Variants in SUMO2 observed in about 807,000 individuals in gnomAD.
SUMO2 encodes small ubiquitin like modifier 2, also known as small ubiquitin-related modifier 2.
Under a neutral mutation model 16.0 loss-of-function variants are expected in SUMO2, and 1 was observed. The ratio of observed to expected loss-of-function variants is 0.06; its 90% CI spans 0.02 to 0.30. The LOEUF (loss-of-function observed/expected upper bound fraction) is 0.30. SUMO2 is among the 10% of genes least tolerant of loss of function. The pLI is 1.00. For missense variants in SUMO2, 16 were observed against 117.5 expected, an observed-to-expected ratio of 0.14 and a Z score of 3.99; for synonymous variants, 36 against 40.6, an observed-to-expected ratio of 0.89 and a Z score of 0.43.
chr17:75,178,671 C>G (rs564544284), intron 2 of SUMO2, among the ~76,000 whole-genome samples: 16 of 152,240 alleles, frequency 1.1e-4, no homozygotes, highest in Admixed American at 5.9e-4. Context: ...CAAGCTCAAG[C>G]AATCCTCCCA....
intron 1 of SUMO2, 136 bp from the exon 2 acceptor site, chr17:75,181,324 TC>T: frequency 2.3e-6 from 2 of 870,038 alleles, no homozygotes; most frequent in Non-Finnish European, 3.5e-6. Context: ...ACTGCTGTTT[TC>T]AGCTGCTGAA....
At chr17:75,180,391 T>TGAAA (rs2074817418) in intron 2 of SUMO2, among the ~76,000 whole-genome samples, 1 of 23,008 alleles carries the variant, frequency 4.3e-5, no homozygotes. Flanking sequence ...GACTCCCAGC[T>TGAAA]TAAAAAAAAA....
chr17:75,178,359 C>T (rs1348613191), intron 2 of SUMO2, among the ~76,000 whole-genome samples: 1 of 151,454 alleles, frequency 6.6e-6, no homozygotes, highest in Non-Finnish European at 1.5e-5. Flanking sequence ...ACAAAAAATA[C>T]AAAAATTGGC....
intron 1 of SUMO2, 86 bp downstream of exon 1, chr17:75,182,728 G>C: frequency 2.6e-6 from 3 of 1,165,248 alleles, no homozygotes; most frequent in Non-Finnish European, 3.3e-6. Flanking sequence ...AAAGCGCTGG[G>C]AGCCAGCGGC....
rs537421862 is a variant in SUMO2 at position 75,165,977 on chromosome 17, G to A, written c.*2362C>T. The A allele has an allele frequency of 6.6e-6, 1 of 152,114 alleles. No individual in the cohort carries two copies. Among genetic ancestry groups the A allele is most frequent in the Non-Finnish European group, 1.5e-5 (1 of 68,256 alleles). The allele number at this position is 152,114 out of a possible 1,614,324, so 9.4% of individuals were successfully genotyped here. A position where few individuals can be genotyped will look rare whatever the true frequency, so the allele number is the denominator to read the frequency against. ...GGAGGTGGAGCTTGCCGTGAGCCAA[G>A]ATTGCGCCACTGCACTCCAGCCTGG... On this transcript the variant is annotated 3_prime_UTR_variant, in exon 4 of 4. Coordinates refer to ENST00000420826, the MANE Select transcript of SUMO2 (RefSeq NM_006937.4).
At chr17:75,175,216 C>T (rs2074772883) in intron 2 of SUMO2, among the ~76,000 whole-genome samples, 3 of 152,110 alleles carry the variant, frequency 2.0e-5, no homozygotes, top group South Asian at 4.1e-4. Context: ...CTCCTAACCT[C>T]AGGTGCTCCG....
rs2074690859 is a variant in SUMO2 at position 75,166,079 on chromosome 17, C to G, written c.*2260G>C. 1 of 152,330 alleles carries G rather than the reference C, an allele frequency of 6.6e-6. No homozygotes were observed. The highest frequency in any genetic ancestry group is 2.1e-4 in the South Asian group (1 of 4,830). 9.4% of individuals were successfully genotyped at this position (152,330 alleles called of 1,614,324 possible). On this transcript the variant is annotated 3_prime_UTR_variant, in exon 4 of 4. Coordinates refer to ENST00000420826, the MANE Select transcript of SUMO2 (RefSeq NM_006937.4). ...TGTAGTGGTTGGGCATGGGGTCTAA[C>G]ACCTGAAACCCCAACACTTTGGGAG...
intron 3 of SUMO2, among the ~76,000 whole-genome samples, chr17:75,172,802 G>A (rs1444048940): frequency 6.6e-6 from 1 of 151,568 alleles, no homozygotes; most frequent in Non-Finnish European, 1.5e-5. Context: ...GTATTTTTTG[G>A]CAGACACGGG....
chr17:75,175,924 C>T (rs1261080148), intron 2 of SUMO2, among the ~76,000 whole-genome samples: 1 of 152,066 alleles, frequency 6.6e-6, no homozygotes, highest in Admixed American at 6.6e-5. Context: ...TGAGCCACTG[C>T]GCCCAGCCAG....
chr17:75,176,489 G>A (rs1266088245), intron 2 of SUMO2, among the ~76,000 whole-genome samples: 2 of 151,884 alleles, frequency 1.3e-5, no homozygotes, highest in Non-Finnish European at 2.9e-5. Context: ...GGTGGCATCC[G>A]CCTGTAATCC....
At chr17:75,176,047 A>ATTTTT (rs909867572) in intron 2 of SUMO2, among the ~76,000 whole-genome samples, 1 of 143,696 alleles carries the variant, frequency 7.0e-6, no homozygotes, top group Non-Finnish European at 1.5e-5. Context: ...AGGAAATGAA[A>ATTTTT]TTTTTTTTTT....
chr17:75,170,976 ACAGT>A (rs71796908), intron 3 of SUMO2, among the ~76,000 whole-genome samples: 6,561 of 152,046 alleles, frequency 0.043, 223 homozygotes, highest in Non-Finnish European at 0.059. Context: ...TACAGTAGAT[ACAGT>A]GTTAGGCTAA....
rs752127154 is a variant in SUMO2 at position 75,168,363 on chromosome 17, T to C, written c.264A>G (p.Gln88=). The change falls in exon 4 of 4, where the codon CAA becomes CAG. Residue 88 remains glutamine, a synonymous_variant. Coordinates refer to ENST00000420826, the MANE Select transcript of SUMO2 (RefSeq NM_006937.4). ...MEDEDTIDVF[Q]QQTGGVY ...TTCAGTAGACACCTCCCGTCTGCTG[T>C]TGGAACACATCAATTGTATCTTCAT... 6 of 1,607,932 alleles carry C rather than the reference T, an allele frequency of 3.7e-6. No homozygotes were observed. Among genetic ancestry groups the C allele is most frequent in the East Asian group, 2.2e-5 (1 of 44,740 alleles).
chr17:75,182,704 G>T (rs988877642), intron 1 of SUMO2, 110 bp downstream of exon 1: 26 of 990,830 alleles, frequency 2.6e-5, no homozygotes, highest in African/African-American at 5.1e-5. Flanking sequence ...GGCCGGCCCC[G>T]TGGGGGGCCC....
chr17:75,174,507 G>A (rs2074766728), intron 3 of SUMO2, among the ~76,000 whole-genome samples: 2 of 152,080 alleles, frequency 1.3e-5, no homozygotes, highest in Admixed American at 1.3e-4. Flanking sequence ...ACTTCAACCC[G>A]GGCAACAGAG....
chr17:75,182,011 CG>C, intron 1 of SUMO2, among the ~76,000 whole-genome samples: 1 of 152,086 alleles, frequency 6.6e-6, no homozygotes, highest in Non-Finnish European at 1.5e-5. Flanking sequence ...CAGCAAGTCC[CG>C]TGTGCCCCGA....
rs779765054 is a variant in SUMO2 at position 75,181,141 on chromosome 17, C to T, written c.69G>A (p.Ala23=). The T allele has an allele frequency of 1.5e-5, 24 of 1,613,816 alleles. No individual in the cohort carries two copies. The highest frequency in any genetic ancestry group is 1.8e-5 in the Non-Finnish European group (21 of 1,179,930). Reference sequence around the variant, plus strand: ...ACTGCACCACAGAACCATCCTGCCCCGCCACCTTCAAATTAATATGATCGT... The same window carrying T: ...ACTGCACCACAGAACCATCCTGCCCTGCCACCTTCAAATTAATATGATCGT... ...ENNDHINLKV[A]GQDGSVVQFK... is the part of the protein sequence containing the mutation. Residue 23 remains alanine, a synonymous_variant, in exon 2 of 4, where the codon GCG becomes GCA. Coordinates refer to ENST00000420826, the MANE Select transcript of SUMO2 (RefSeq NM_006937.4).
At chr17:75,181,731 C>T (rs939373640) in intron 1 of SUMO2, among the ~76,000 whole-genome samples, 2 of 152,040 alleles carry the variant, frequency 1.3e-5, no homozygotes, top group Non-Finnish European at 2.9e-5. Flanking sequence ...ATCCCGATTC[C>T]CCCCGGAACA....
intron 2 of SUMO2, 139 bp downstream of exon 2, chr17:75,180,918 A>G (rs927897607): frequency 1.1e-6 from 1 of 920,780 alleles, no homozygotes; most frequent in Non-Finnish European, 1.7e-6. Flanking sequence ...TACCAAGTGC[A>G]CGACAAAACT....
Sources: gnomAD v4.1 joint callset for allele counts (sites outside exome capture counted in the v4.1 genomes callset) on GRCh38, gnomAD v4.1.1 for gene constraint, MANE v1.5 for transcripts, NCBI Gene and HGNC (gene_info 2026-07-23, HGNC 2026-07-21) for gene names.